The following CAPN14 variants were observed in gnomAD, a reference collection of about 807,000 sequenced individuals.
CAPN14 encodes the protein calpain-14.
In CAPN14, 94 loss-of-function variants were observed where a neutral mutation model predicts 101.3. The ratio of observed to expected loss-of-function variants is 0.93; its 90% CI spans 0.79 to 1.10. The LOEUF (loss-of-function observed/expected upper bound fraction) is 1.10. Ranked by LOEUF, CAPN14 falls within the 50% of genes least tolerant of loss-of-function variation. The pLI, the probability that CAPN14 is intolerant of heterozygous loss-of-function variation, is 0.00. For synonymous variants in CAPN14, 338 were observed against 317.9 expected, an observed-to-expected ratio of 1.06 and a Z score of -0.67; for missense variants, 837 against 828.4, an observed-to-expected ratio of 1.01 and a Z score of -0.13.
intron 10 of CAPN14, among the ~76,000 whole-genome samples, chr2:31,192,641 G>C (rs1165191239): frequency 6.6e-6 from 1 of 152,112 alleles, no homozygotes; most frequent in African/African-American, 2.4e-5. Context: ...CCCATCTTGG[G>C]AGTCCAGACA....
chr2:31,191,758 G>C (rs1681191891), intron 11 of CAPN14, among the ~76,000 whole-genome samples, 177 bp downstream of exon 11: 1 of 152,188 alleles, frequency 6.6e-6, no homozygotes, highest in South Asian at 2.1e-4. Flanking sequence ...TGATGGCCTA[G>C]TGCAAGAAGG....
rs538044256 is a variant in CAPN14, at chr2:31,181,398, TTTTCTTTCTTTCTTTCTTTC to T, written c.1646-418_1646-399del. 4.9e-3 allele frequency among the ~76,000 whole-genome samples: 659 copies of T among 135,054 alleles called. 7 individuals are homozygous for T. The highest frequency in any genetic ancestry group is 0.018 in the African/African-American group (617 of 34,850). The allele number at this position is 135,054 out of a possible 152,430, so 88.6% of individuals were successfully genotyped here. ...TTCTCTTTTCTTTTTTTCTTTCTTT[TTTTCTTTCTTTCTTTCTTTC>T]TTTCTTTCTTTCTTTCTTTCTTTCT... On this transcript the variant is annotated intron_variant, in intron 16 of 21. Coordinates refer to ENST00000403897, the MANE Select transcript of CAPN14 (RefSeq NM_001145122.2).
chr2:31,218,464 T>C (rs75579433), upstream of CAPN14, among the ~76,000 whole-genome samples: 4,914 of 152,268 alleles, frequency 0.032, 98 homozygotes, highest in South Asian at 0.061. Flanking sequence ...TCTTGGCCTC[T>C]GCCTTGACTC....
At chr2:31,219,202 C>T (rs1259898033), upstream of CAPN14, among the ~76,000 whole-genome samples, 20 of 152,150 alleles carry the variant, frequency 1.3e-4, no homozygotes, top group Admixed American at 1.3e-3. Context: ...ACAGAGCCAC[C>T]GAGACGCATA....
intron 1 of CAPN14, among the ~76,000 whole-genome samples, chr2:31,209,901 G>A (rs1225479265): frequency 1.3e-5 from 2 of 152,134 alleles, no homozygotes; most frequent in Non-Finnish European, 2.9e-5. Context: ...AAAATTGAGA[G>A]CTAGTTGTTG....
upstream of CAPN14, among the ~76,000 whole-genome samples, chr2:31,221,286 A>T (rs1340329403): frequency 6.6e-6 from 1 of 152,240 alleles, no homozygotes; most frequent in African/African-American, 2.4e-5. Flanking sequence ...CTGATTGACA[A>T]GGACTGCTCT....
At chr2:31,219,125 G>C (rs1214195794), upstream of CAPN14, among the ~76,000 whole-genome samples, 3 of 151,982 alleles carry the variant, frequency 2.0e-5, no homozygotes, top group Admixed American at 6.6e-5. Flanking sequence ...ACAGGGTTAG[G>C]CTCACTCTAT....
upstream of CAPN14, among the ~76,000 whole-genome samples, chr2:31,219,131 T>C (rs760169913): frequency 7.9e-5 from 12 of 151,912 alleles, no homozygotes; most frequent in Non-Finnish European, 1.3e-4. Flanking sequence ...TTAGGCTCAC[T>C]CTATGTCTAA....
intron 8 of CAPN14, 64 bp downstream of exon 8, chr2:31,197,185 A>G: frequency 9.0e-7 from 1 of 1,114,746 alleles, no homozygotes; most frequent in South Asian, 1.3e-5. Context: ...ATCTGTGTGC[A>G]AATGGCAGCC....
chr2:31,194,236 C>A (rs999433015), intron 9 of CAPN14, among the ~76,000 whole-genome samples, 173 bp downstream of exon 9: 1 of 152,162 alleles, frequency 6.6e-6, no homozygotes, highest in Non-Finnish European at 1.5e-5. Flanking sequence ...AGACAGTGAC[C>A]GTTTATTTAC....
chr2:31,181,153 CG>C (rs770851405), intron 16 of CAPN14, among the ~76,000 whole-genome samples, 153 bp from the exon 17 acceptor site: 1 of 152,018 alleles, frequency 6.6e-6, no homozygotes, highest in Non-Finnish European at 1.5e-5. Context: ...AGTAGAGAGA[CG>C]GGGGGGTGAC....
rs1291036622 is a variant in CAPN14 at position 31,230,367 on chromosome 2, G to A, written c.-177+3424C>T. 1.3e-5 allele frequency among the ~76,000 whole-genome samples: 2 copies of A among 152,164 alleles called. No individual in the cohort carries two copies. The highest frequency in any genetic ancestry group is 1.5e-5 in the Non-Finnish European group (1 of 68,038). The stretch of plus-strand genomic sequence containing the variant: ...ATGTGCAAGAGTTTCTCTAGATCAC[G>A]CCTTGAAATAGAATGGAAGGAGATA... On this transcript the variant is annotated intron_variant and NMD_transcript_variant, in intron 1 of 21. Coordinates refer to the CAPN14 transcript ENST00000398824. The surrounding 1 kb of genome is among the most constrained non-coding windows in gnomAD (Gnocchi z 4.3).
At chr2:31,203,577 G>A (rs960239389) in intron 2 of CAPN14, among the ~76,000 whole-genome samples, 4 of 152,102 alleles carry the variant, frequency 2.6e-5, no homozygotes, top group African/African-American at 9.7e-5. Flanking sequence ...GGGGTGGTAG[G>A]GGGGTTGTCT....
intron 1 of CAPN14, among the ~76,000 whole-genome samples, chr2:31,231,248 T>C (rs572729817): frequency 6.6e-6 from 1 of 152,300 alleles, no homozygotes; most frequent in East Asian, 1.9e-4. Flanking sequence ...ACCTTGTCAA[T>C]TTCCATGGAA....
At chr2:31,201,068 C>T (rs1572417797) in intron 5 of CAPN14, among the ~76,000 whole-genome samples, 1 of 152,078 alleles carries the variant, frequency 6.6e-6, no homozygotes, top group Non-Finnish European at 1.5e-5. Flanking sequence ...CGCCTGGGCC[C>T]CCTGACCTCC....
intron 1 of CAPN14, among the ~76,000 whole-genome samples, chr2:31,207,662 G>C (rs1218578281): frequency 6.6e-6 from 1 of 152,144 alleles, no homozygotes; most frequent in African/African-American, 2.4e-5. Flanking sequence ...AGCTACTTGG[G>C]AGGCTGAGAC....
intron 1 of CAPN14, among the ~76,000 whole-genome samples, chr2:31,208,070 C>T (rs751209166): frequency 6.6e-6 from 1 of 152,082 alleles, no homozygotes; most frequent in Non-Finnish European, 1.5e-5. Context: ...TCACGGGTGC[C>T]TGTGTACTTC....
upstream of CAPN14, among the ~76,000 whole-genome samples, chr2:31,217,928 G>A (rs1297693017): frequency 1.3e-5 from 2 of 152,160 alleles, no homozygotes; most frequent in Non-Finnish European, 2.9e-5. Context: ...AGCCTGGAAA[G>A]TATTTTCAAG....
intron 17 of CAPN14, 71 bp from the exon 18 acceptor site, chr2:31,178,650 T>C: frequency 1.9e-6 from 2 of 1,030,778 alleles, no homozygotes; most frequent in South Asian, 3.5e-5. Context: ...TGATCAGCCC[T>C]CCACAAAGTG....
Sources: gnomAD v4.1 joint callset for allele counts (sites outside exome capture counted in the v4.1 genomes callset) on GRCh38, gnomAD v4.1.1 for gene constraint, Gnocchi (gnomAD v3.1) non-coding constraint, MANE v1.5 for transcripts, NCBI Gene and HGNC (gene_info 2026-07-23, HGNC 2026-07-21) for gene names.